The following TRIM35 variants were observed in gnomAD, a reference collection of about 807,000 sequenced individuals.
TRIM35 encodes E3 ubiquitin-protein ligase TRIM35.
TRIM35 carries 37 observed loss-of-function variants against 49.1 expected under a neutral mutation model. The observed-to-expected ratio is 0.75, with a 90% CI of 0.58 to 0.99. The LOEUF (loss-of-function observed/expected upper bound fraction) is 0.99. Among genes scored for constraint, TRIM35 ranks in the 50% least tolerant of loss-of-function variants. TRIM35 has a pLI of 0.00. For missense variants in TRIM35, 648 were observed against 702.7 expected (o/e 0.92, Z 0.88); for synonymous variants, 302 against 289.3 (o/e 1.04, Z -0.45).
At chr8:27,289,674 G>A (rs1407278686) in intron 4 of TRIM35, among the ~76,000 whole-genome samples, 1 of 152,186 alleles carries the variant, frequency 6.6e-6, no homozygotes, top group East Asian at 1.9e-4. Flanking sequence ...CACACTGCCA[G>A]TGGGAAGTGA....
chr8:27,304,843 C>T, intron 1 of TRIM35: 2 of 456,364 alleles, frequency 4.4e-6, no homozygotes, highest in South Asian at 3.1e-5. Flanking sequence ...GTAAAAAGTT[C>T]CTTCTCTCTT....
Position 27,311,128 on chromosome 8 carries a change from G to C in TRIM35, c.108C>G (p.Cys36Trp). 1 of 1,601,274 alleles carries C rather than the reference G, an allele frequency of 6.2e-7. No individual in the cohort carries two copies. The highest frequency in any genetic ancestry group is 8.5e-7 in the Non-Finnish European group (1 of 1,175,150). The change falls in exon 1 of 6, where the codon TGC becomes TGG. Residue 36 changes from cysteine to tryptophan, a missense_variant. Transcript: ENST00000305364. The part of the protein sequence containing the change: ...DPFRDAVTLR[C>W]GHNFCRGCVS... ...CGCACCCGCGGCAGAAGTTGTGGCCGCAGCGCAGAGTGACTGCGTCGCGGA... is the reference window on the plus strand; with the variant it reads ...CGCACCCGCGGCAGAAGTTGTGGCCCCAGCGCAGAGTGACTGCGTCGCGGA...
At chr8:27,305,896 G>T (rs1802774251) in intron 1 of TRIM35, among the ~76,000 whole-genome samples, 1 of 152,108 alleles carries the variant, frequency 6.6e-6, no homozygotes, top group Non-Finnish European at 1.5e-5. Flanking sequence ...GGATGCAGTG[G>T]CCCAGTCATA....
chr8:27,289,097 T>G, intron 5 of TRIM35, 65 bp downstream of exon 5: 1 of 1,356,914 alleles, frequency 7.4e-7, no homozygotes, highest in Non-Finnish European at 1.0e-6. Context: ...CCAGCCCTGG[T>G]GCCTCTTTGC....
chr8:27,286,366 C>T lies in TRIM35; in HGVS notation c.*1184G>A. The T allele has an allele frequency of 2.8e-6, 1 of 354,760 alleles. No homozygotes were observed. Among genetic ancestry groups the T allele is most frequent in the Admixed American group, 3.7e-5 (1 of 27,084 alleles). The allele number at this position is 354,760 out of a possible 1,614,324, so 22.0% of individuals were successfully genotyped here. On this transcript the variant is annotated 3_prime_UTR_variant, in exon 6 of 6. Coordinates refer to ENST00000305364, the MANE Select transcript of TRIM35 (RefSeq NM_171982.5). ...AGGCCCAGCCTCCTCTTCCCTCTCCCACAGCGTTTAGGGCCACGTCCATGG... is the reference window on the plus strand; with the variant it reads ...AGGCCCAGCCTCCTCTTCCCTCTCCTACAGCGTTTAGGGCCACGTCCATGG...
rs143480765 is a variant in TRIM35, at chr8:27,293,579, G to A, written c.762+501C>T. Among the ~76,000 whole-genome samples, 1,419 of 152,190 alleles carry A rather than the reference G, an allele frequency of 9.3e-3. 10 individuals are homozygous for A. The highest frequency in any genetic ancestry group is 0.015 in the Non-Finnish European group (1,001 of 68,010). Reference sequence around the variant, plus strand: ...AGACAGGAGCTGGGCACAGTGGTGCGCCAGTAGTCCAACTACCTGGGAGGC... The same window carrying A: ...AGACAGGAGCTGGGCACAGTGGTGCACCAGTAGTCCAACTACCTGGGAGGC... On this transcript the variant is annotated intron_variant, in intron 3 of 5. Coordinates refer to ENST00000305364, the MANE Select transcript of TRIM35 (RefSeq NM_171982.5).
chr8:27,287,823 C>T lies in TRIM35; in HGVS notation c.1209G>A (p.Gln403=). The T allele has an allele frequency of 6.2e-7, 1 of 1,611,936 alleles. No individual in the cohort carries two copies. Among genetic ancestry groups the T allele is most frequent in the South Asian group, 1.1e-5 (1 of 90,804 alleles). The change falls in exon 6 of 6, where the codon CAG becomes CAA. Residue 403 remains glutamine, a synonymous_variant. Coordinates refer to ENST00000305364, the MANE Select transcript of TRIM35 (RefSeq NM_171982.5). The surrounding 1 kb of genome is among the most constrained non-coding windows in gnomAD (Gnocchi z 6.0). ...RSGFWYVCRT[Q]GVEGDHCVTS... Reference sequence around the variant, plus strand: ...TCACGCAGTGGTCCCCCTCCACGCCCTGCGTGCGGCAGACATACCAGAAGC... The same window carrying T: ...TCACGCAGTGGTCCCCCTCCACGCCTTGCGTGCGGCAGACATACCAGAAGC...
chr8:27,311,182 C>A lies in TRIM35; in HGVS notation c.54G>T (p.Glu18Asp), dbSNP rs915497088. Residue 18 changes from glutamate to aspartate, a missense_variant, in exon 1 of 6, where the codon GAG becomes GAT. Coordinates refer to ENST00000305364, the MANE Select transcript of TRIM35 (RefSeq NM_171982.5). ...SPGPSRSFKE[E>D]LLCAVCYDPF... is the part of the protein sequence containing the mutation. Reference sequence around the variant, plus strand: ...GGTCGTAGCAGACGGCGCAGAGCAACTCCTCCTTGAAGGAGCGGGAAGGCC... The same window carrying A: ...GGTCGTAGCAGACGGCGCAGAGCAAATCCTCCTTGAAGGAGCGGGAAGGCC... 6.2e-7 allele frequency: 1 copy of A among 1,605,344 alleles called. No individual in the cohort carries two copies. The highest frequency in any genetic ancestry group is 8.5e-7 in the Non-Finnish European group (1 of 1,176,142).
chr8:27,302,194 G>C (rs1802694160), intron 1 of TRIM35, among the ~76,000 whole-genome samples: 2 of 152,150 alleles, frequency 1.3e-5, no homozygotes, highest in African/African-American at 4.8e-5. Context: ...TTGAGATTTA[G>C]ATTAGTACAA....
At position 27,294,324 on chromosome 8, in the gene TRIM35, CAGG is replaced by C. The variant is rs776722894; in HGVS notation, c.532-17_532-15del. 1.2e-5 allele frequency: 20 copies of C among 1,608,498 alleles called. No individual in the cohort carries two copies. The highest frequency in any genetic ancestry group is 4.0e-5 in the African/African-American group (3 of 74,850). On this transcript the variant is annotated splice_polypyrimidine_tract_variant and intron_variant, in intron 2 of 5. Transcript: ENST00000305364. ...TGCAGCCTCCACCTACGGAAGACAG[CAGG>C]AGGAGTCAGGGGTCAGATGTGGAGA...
intron 1 of TRIM35, among the ~76,000 whole-genome samples, chr8:27,306,624 A>C (rs1802791564): frequency 6.6e-6 from 1 of 152,132 alleles, no homozygotes; most frequent in African/African-American, 2.4e-5. Context: ...ACACCCGGCC[A>C]CCATTCATAT....
At position 27,287,407 on chromosome 8, in the gene TRIM35, T is replaced by A; in HGVS notation, c.*143A>T. The A allele has an allele frequency of 4.5e-6, 4 of 889,048 alleles. No homozygotes were observed. Among genetic ancestry groups the A allele is most frequent in the Non-Finnish European group, 6.7e-6 (4 of 596,122 alleles). 55.1% of individuals were successfully genotyped at this position (889,048 alleles called of 1,614,324 possible). On this transcript the variant is annotated 3_prime_UTR_variant, in exon 6 of 6. Coordinates refer to ENST00000305364, the MANE Select transcript of TRIM35 (RefSeq NM_171982.5). This position sits in a 1 kb window ranked among gnomAD's most constrained non-coding sequence, Gnocchi z 6.0. ...ACATGGAGAGAGGCACAGCCTGGAGTCATGGAAAAGGACCAGGCAGGACAG... is the reference window on the plus strand; with the variant it reads ...ACATGGAGAGAGGCACAGCCTGGAGACATGGAAAAGGACCAGGCAGGACAG...
At chr8:27,299,415 G>C (rs554831797) in intron 1 of TRIM35, among the ~76,000 whole-genome samples, 2 of 152,074 alleles carry the variant, frequency 1.3e-5, no homozygotes, top group South Asian at 4.2e-4. Context: ...TCTGTGCCAG[G>C]GACAACACCA....
intron 2 of TRIM35, among the ~76,000 whole-genome samples, chr8:27,297,413 C>G (rs1306063833): frequency 6.6e-6 from 1 of 152,182 alleles, no homozygotes; most frequent in Non-Finnish European, 1.5e-5. Flanking sequence ...AGAGAGGGTG[C>G]CAGGCAGAAC....
chr8:27,299,804 A>G (rs940951759), intron 1 of TRIM35, among the ~76,000 whole-genome samples: 20 of 152,208 alleles, frequency 1.3e-4, no homozygotes, highest in African/African-American at 4.6e-4. Context: ...GGAGAGGGCC[A>G]GTGCATTTTG....
rs149789402 is a variant in TRIM35, at chr8:27,299,998, C to T, written c.436-1439G>A. Among the ~76,000 whole-genome samples the T allele has an allele frequency of 5.0e-3, 765 of 152,280 alleles. 9 individuals are homozygous for T. The highest frequency in any genetic ancestry group is 0.018 in the African/African-American group (738 of 41,550). ...ATACTAAGTCACCTCTGAGGTTAGG[C>T]GACAAAGGCTGTGTACACCCTGCCT... On this transcript the variant is annotated intron_variant, in intron 1 of 5. Transcript: ENST00000305364.
intron 1 of TRIM35, among the ~76,000 whole-genome samples, chr8:27,302,403 T>C (rs529394919): frequency 6.6e-6 from 1 of 152,276 alleles, no homozygotes; most frequent in African/African-American, 2.4e-5. Context: ...ATTGTAAACA[T>C]ATTTTTAAAT....
intron 3 of TRIM35, among the ~76,000 whole-genome samples, chr8:27,291,690 T>C (rs1802457512): frequency 6.6e-6 from 1 of 152,200 alleles, no homozygotes; most frequent in Non-Finnish European, 1.5e-5. Flanking sequence ...TGTAACAAAA[T>C]ACCACAGACT....
At chr8:27,294,337 G>A (rs1802523340) in intron 2 of TRIM35, 27 bp from the exon 3 acceptor site, 1 of 1,602,848 alleles carries the variant, frequency 6.2e-7, no homozygotes, top group Non-Finnish European at 8.5e-7. Flanking sequence ...GAGGAGTCAG[G>A]GGTCAGATGT....
Sources: gnomAD v4.1 joint callset for allele counts (sites outside exome capture counted in the v4.1 genomes callset) on GRCh38, gnomAD v4.1.1 for gene constraint, Gnocchi (gnomAD v3.1) non-coding constraint, MANE v1.5 for transcripts, NCBI Gene and HGNC (gene_info 2026-07-23, HGNC 2026-07-21) for gene names.